Variants in RAPGEF1 observed in about 807,000 individuals in gnomAD.
RAPGEF1 encodes the protein CRK SH3-binding GNRP.
In RAPGEF1, 33 loss-of-function variants were observed where a neutral mutation model predicts 143.3. The ratio of observed to expected loss-of-function variants is 0.23; its 90% confidence interval spans 0.17 to 0.31. The LOEUF (loss-of-function observed/expected upper bound fraction) is 0.31, where lower values mean the gene tolerates loss of function less well. RAPGEF1 is among the 10% of genes least tolerant of loss of function. The pLI, the probability that RAPGEF1 is intolerant of heterozygous loss-of-function variation, is 1.00. For synonymous variants in RAPGEF1, 629 were observed against 676.5 expected (o/e 0.93, Z 1.09); for missense variants, 1,199 against 1,645.4 (o/e 0.73, Z 4.69).
intron 12 of RAPGEF1, among the ~76,000 whole-genome samples, chr9:131,615,914 G>T (rs1346992689): frequency 6.6e-6 from 1 of 152,106 alleles, no homozygotes; most frequent in Admixed American, 6.6e-5. Flanking sequence ...CTTTCATGTG[G>T]TGTGAACTTG....
At chr9:131,638,889 C>A (rs1422400831) in intron 4 of RAPGEF1, 98 bp from the exon 5 acceptor site, 2 of 1,309,592 alleles carry the variant, frequency 1.5e-6, no homozygotes, top group Non-Finnish European at 2.1e-6. Flanking sequence ...GTTTCTCCAA[C>A]TTTCTTTGTG....
Position 131,650,988 on chromosome 9 carries a change from G to A in RAPGEF1, c.62-39C>T, listed in dbSNP as rs768570757. On this transcript the variant is annotated intron_variant, in intron 1 of 26. Transcript: ENST00000683357. The surrounding 1 kb of genome is among the most constrained non-coding windows in gnomAD (Gnocchi z 4.7). ...GGGTACTGACTGTTAGATGGGAGTGGGAAGAAGCGATGGTTCATTGACCTT... is the reference window on the plus strand; with the variant it reads ...GGGTACTGACTGTTAGATGGGAGTGAGAAGAAGCGATGGTTCATTGACCTT... 1 of 1,601,056 alleles carries A rather than the reference G, an allele frequency of 6.2e-7. No homozygotes were observed. Among genetic ancestry groups the A allele is most frequent in the Non-Finnish European group, 8.5e-7 (1 of 1,172,366 alleles).
rs998375402 is a variant in RAPGEF1 at position 131,662,140 on chromosome 9, G to A, written c.62-11191C>T. Reference sequence around the variant, plus strand: ...ATCAGCGGTGGGGCCCCACCCACCCGGCCTGCTCACACACTGCACCAGCCA... The same window carrying A: ...ATCAGCGGTGGGGCCCCACCCACCCAGCCTGCTCACACACTGCACCAGCCA... On this transcript the variant is annotated intron_variant, in intron 1 of 26. Coordinates refer to ENST00000683357, the MANE Select transcript of RAPGEF1 (RefSeq NM_001377935.1). Among the ~76,000 whole-genome samples the A allele has an allele frequency of 3.9e-5, 6 of 151,972 alleles. No homozygotes were observed. The East Asian group carries it at 5.8e-4, about 15-fold the overall frequency.
intron 12 of RAPGEF1, among the ~76,000 whole-genome samples, chr9:131,610,055 T>C (rs1454180044): frequency 1.3e-5 from 2 of 152,152 alleles, no homozygotes; most frequent in African/African-American, 2.4e-5. Context: ...TGTCGCCAGG[T>C]ACAACTGATT....
chr9:131,682,184 G>C (rs1056050736), intron 1 of RAPGEF1, among the ~76,000 whole-genome samples: 1 of 152,198 alleles, frequency 6.6e-6, no homozygotes, highest in Non-Finnish European at 1.5e-5. Context: ...AAAAATAAGC[G>C]AGTCAGGCTG....
At chr9:131,686,653 T>C (rs1170436467) in intron 1 of RAPGEF1, among the ~76,000 whole-genome samples, 3 of 152,222 alleles carry the variant, frequency 2.0e-5, no homozygotes, top group Admixed American at 6.5e-5. Flanking sequence ...GCTCTCTGCA[T>C]AGCATTCACC....
At chr9:131,632,755 G>A (rs1322821406) in intron 5 of RAPGEF1, among the ~76,000 whole-genome samples, 4 of 152,136 alleles carry the variant, frequency 2.6e-5, no homozygotes, top group African/African-American at 4.8e-5. Flanking sequence ...TATATTGCAC[G>A]TTTTGTAAAC....
At chr9:131,678,954 T>C (rs913345833) in intron 1 of RAPGEF1, among the ~76,000 whole-genome samples, 24 of 152,176 alleles carry the variant, frequency 1.6e-4, no homozygotes, top group African/African-American at 4.8e-4. Flanking sequence ...AAACTGGATA[T>C]GGTTTTGAAG....
chr9:131,662,553 T>G (rs1974431078), intron 1 of RAPGEF1, among the ~76,000 whole-genome samples: 1 of 147,704 alleles, frequency 6.8e-6, no homozygotes, highest in Non-Finnish European at 1.5e-5. Context: ...TTTATTTTGT[T>G]TTTTTTTTTT....
At position 131,584,547 on chromosome 9, in the gene RAPGEF1, G is replaced by A. The variant is rs1233051330; in HGVS notation, c.3283C>T (p.Leu1095=). 3 of 1,614,036 alleles carry A rather than the reference G, an allele frequency of 1.9e-6. No homozygotes were observed. In the Admixed American group the frequency reaches 5.0e-5, roughly 27 times the overall value. ...ATGATCTTGATGAACTTCAAGAGCA[G>A]CCGTTCCCTGTCCTGGGCCTTTTCC... The part of the protein sequence containing the change: ...LQEKAQDRER[L]LLKFIKIMKH... The change falls in exon 23 of 27, where the codon CTG becomes TTG. Residue 1095 remains leucine (L), a synonymous_variant. Coordinates refer to ENST00000683357, the MANE Select transcript of RAPGEF1 (RefSeq NM_001377935.1). This position sits in a 1 kb window ranked among gnomAD's most constrained non-coding sequence, Gnocchi z 6.8.
At chr9:131,717,392 C>T (rs1396361943) in intron 1 of RAPGEF1, among the ~76,000 whole-genome samples, 1 of 152,172 alleles carries the variant, frequency 6.6e-6, no homozygotes, top group Admixed American at 6.5e-5. Context: ...AATTAGTGAG[C>T]GTCAGCTATG....
At chr9:131,681,540 G>T (rs974678892) in intron 1 of RAPGEF1, among the ~76,000 whole-genome samples, 2 of 152,224 alleles carry the variant, frequency 1.3e-5, no homozygotes, top group Non-Finnish European at 2.9e-5. Context: ...GCTGTTTCCA[G>T]TCGGATGATT....
At chr9:131,725,636 T>C (rs950190719) in intron 1 of RAPGEF1, among the ~76,000 whole-genome samples, 3 of 152,266 alleles carry the variant, frequency 2.0e-5, no homozygotes, top group Non-Finnish European at 4.4e-5. Flanking sequence ...GTTTGTAGTT[T>C]TGATTTGCAC....
intron 17 of RAPGEF1, among the ~76,000 whole-genome samples, chr9:131,593,018 C>T (rs1016286051): frequency 2.0e-5 from 3 of 152,354 alleles, no homozygotes; most frequent in East Asian, 3.9e-4. Context: ...GCTGGGATTA[C>T]AGGCGTGAGC....
chr9:131,698,374 G>A (rs1380483289), intron 1 of RAPGEF1, among the ~76,000 whole-genome samples: 2 of 152,230 alleles, frequency 1.3e-5, no homozygotes, highest in East Asian at 3.8e-4. Flanking sequence ...CTAGCTGCAT[G>A]ATCTTGAGCA....
intron 1 of RAPGEF1, among the ~76,000 whole-genome samples, chr9:131,670,820 T>C (rs1317254326): frequency 1.3e-5 from 2 of 152,218 alleles, no homozygotes; most frequent in Non-Finnish European, 2.9e-5. Flanking sequence ...TGCCTGGAAT[T>C]GCCAACATTT....
chr9:131,657,639 T>C (rs893267645), intron 1 of RAPGEF1, among the ~76,000 whole-genome samples: 3 of 152,138 alleles, frequency 2.0e-5, no homozygotes, highest in African/African-American at 7.2e-5. Flanking sequence ...TGAGGCCTGA[T>C]TGTGGCTGCT....
chr9:131,736,858 G>A (rs1410209783), intron 1 of RAPGEF1, among the ~76,000 whole-genome samples: 1 of 152,090 alleles, frequency 6.6e-6, no homozygotes, highest in Non-Finnish European at 1.5e-5. Flanking sequence ...TTGTTTGCCT[G>A]GTGTCAGGCT....
At chr9:131,598,390 T>C in intron 15 of RAPGEF1, 80 bp from the exon 16 acceptor site, 1 of 1,276,178 alleles carries the variant, frequency 7.8e-7, no homozygotes, top group Non-Finnish European at 1.1e-6. Context: ...AGTGCCGGTG[T>C]GCACGGCTCG....
Sources: gnomAD v4.1 joint callset for allele counts (sites outside exome capture counted in the v4.1 genomes callset) on GRCh38, gnomAD v4.1.1 for gene constraint, Gnocchi (gnomAD v3.1) non-coding constraint, MANE v1.5 for transcripts, NCBI Gene and HGNC (gene_info 2026-07-23, HGNC 2026-07-21) for gene names.